FSCN3: variants seen among roughly 807,000 people sequenced by gnomAD.
FSCN3 encodes fascin-3.
FSCN3 carries 43 observed loss-of-function variants against 53.5 expected under a neutral mutation model. The observed-to-expected ratio is 0.80, with a 90% CI of 0.63 to 1.04. The LOEUF (loss-of-function observed/expected upper bound fraction) is 1.04, where lower values mean the gene tolerates loss of function less well. FSCN3 is among the 50% of genes least tolerant of loss of function. FSCN3 has a pLI of 0.00. For missense variants in FSCN3, 594 were observed against 646.5 expected (o/e 0.92, Z 0.88); for synonymous variants, 235 against 246.6 (o/e 0.95, Z 0.44).
At position 127,593,842 on chromosome 7, in the gene FSCN3, G is replaced by A. The variant is rs1794332262; in HGVS notation, c.-12G>A. 1.3e-6 allele frequency: 2 copies of A among 1,559,262 alleles called. No homozygotes were observed. The highest frequency in any genetic ancestry group is 1.9e-5 in the Admixed American group (1 of 51,700). On this transcript the variant is annotated 5_prime_UTR_variant, in exon 1 of 7. Transcript: ENST00000265825. ...TGGGCCAGACGGAGACATCACCTGT[G>A]GTGTCAGCCCCATGGATGAGACAGA...
At chr7:127,594,774 A>G (rs1202761543) in intron 1 of FSCN3, 1 of 471,370 alleles carries the variant, frequency 2.1e-6, no homozygotes, top group East Asian at 7.0e-5. Flanking sequence ...TTCCTCTTAT[A>G]ACAAGGTTGA....
At chr7:127,599,316 C>T (rs1794435923) in intron 4 of FSCN3, 65 bp from the exon 5 acceptor site, 13 of 1,294,562 alleles carry the variant, frequency 1.0e-5, no homozygotes, top group Non-Finnish European at 1.4e-5. Flanking sequence ...GTCCCCCCTC[C>T]TGCTTCCACT....
Position 127,598,459 on chromosome 7 carries a change from G to T in FSCN3, c.985G>T (p.Asp329Tyr). The change falls in exon 4 of 7, where the codon GAT becomes TAT. Residue 329 changes from aspartate (D) to tyrosine (Y), a missense_variant. Physicochemically the swap from Asp to Tyr is radical, Grantham distance 160. Transcript: ENST00000265825. ...SQRRHRAVMA[D>Y]GHPLESDTFF... ...GAGGCGCCACAGGGCAGTAATGGCT[G>T]ATGGGCACCCCCTGGAGTCTGACAC... 6.2e-7 allele frequency: 1 copy of T among 1,614,106 alleles called. No individual in the cohort carries two copies. Among genetic ancestry groups the T allele is most frequent in the Non-Finnish European group, 8.5e-7 (1 of 1,179,974 alleles).
chr7:127,598,348 G>T, intron 3 of FSCN3, 87 bp from the exon 4 acceptor site: 1 of 1,257,948 alleles, frequency 7.9e-7, no homozygotes, highest in East Asian at 2.3e-5. Context: ...TGGGATGTGG[G>T]AAGAGGGTCT....
At chr7:127,599,575 C>G in intron 5 of FSCN3, 24 bp downstream of exon 5, 1 of 1,607,624 alleles carries the variant, frequency 6.2e-7, no homozygotes, top group Non-Finnish European at 8.5e-7. Context: ...CTTCCCTGCC[C>G]AAGGGTTCAC....
chr7:127,595,109 G>C (rs1452263996), intron 1 of FSCN3, 198 bp from the exon 2 acceptor site: 1 of 606,480 alleles, frequency 1.6e-6, no homozygotes, highest in Non-Finnish European at 2.9e-6. Context: ...GGGTGGAAGG[G>C]CCCAGAGATC....
intron 5 of FSCN3, among the ~76,000 whole-genome samples, chr7:127,599,988 A>G (rs1190888607): frequency 2.0e-5 from 3 of 151,456 alleles, no homozygotes; most frequent in Non-Finnish European, 4.4e-5. Flanking sequence ...TTGTTTTCAC[A>G]CTTCAAAGCC....
intron 4 of FSCN3, 134 bp downstream of exon 4, chr7:127,598,728 G>A: frequency 1.4e-6 from 1 of 714,690 alleles, no homozygotes; most frequent in Non-Finnish European, 2.3e-6. Context: ...CACTTTGGGA[G>A]GCTGAGGTGG....
At chr7:127,596,115 G>T in intron 2 of FSCN3, 112 bp downstream of exon 2, 2 of 1,482,954 alleles carry the variant, frequency 1.3e-6, no homozygotes, top group Middle Eastern at 2.2e-4. Flanking sequence ...GAAGATCCTG[G>T]GGACCCAAGG....
At chr7:127,594,981 T>C (rs995940660) in intron 1 of FSCN3, 2 of 477,248 alleles carry the variant, frequency 4.2e-6, no homozygotes, top group African/African-American at 4.0e-5. Context: ...ACCAAAGCGT[T>C]TCTTTAAAAA....
At chr7:127,599,307 TC>T in intron 4 of FSCN3, 73 bp from the exon 5 acceptor site, 2 of 1,114,258 alleles carry the variant, frequency 1.8e-6, no homozygotes, top group Non-Finnish European at 2.7e-6. Flanking sequence ...GCAATTAGCG[TC>T]CCCCCTCCTG....
intron 6 of FSCN3, 22 bp downstream of exon 6, chr7:127,600,421 G>A: frequency 1.4e-6 from 2 of 1,427,682 alleles, no homozygotes; most frequent in Non-Finnish European, 9.9e-7. Context: ...GAACAGGTAA[G>A]GGGCTAGGGG....
chr7:127,598,324 A>G, intron 3 of FSCN3, 111 bp from the exon 4 acceptor site: 4 of 1,034,102 alleles, frequency 3.9e-6, no homozygotes, highest in Non-Finnish European at 5.9e-6. Context: ...GGGAGCATGA[A>G]AAAGGCTGAT....
chr7:127,594,332 C>T (rs1234834469), intron 1 of FSCN3, among the ~76,000 whole-genome samples: 3 of 151,742 alleles, frequency 2.0e-5, no homozygotes, highest in African/African-American at 7.3e-5. Context: ...AATCACTTTC[C>T]TAGGTTCTGC....
chr7:127,599,632 C>T (rs1794442713), intron 5 of FSCN3, 81 bp downstream of exon 5: 2 of 1,337,610 alleles, frequency 1.5e-6, no homozygotes, highest in Admixed American at 1.9e-5. Flanking sequence ...GGGCCTGCCA[C>T]TCAGGGCTTG....
In FSCN3 at chr7:127,595,300, C is replaced by G; in HGVS notation, c.145-7C>G. 6.3e-7 allele frequency: 1 copy of G among 1,599,722 alleles called. No homozygotes were observed. The highest frequency in any genetic ancestry group is 8.5e-7 in the Non-Finnish European group (1 of 1,171,276). On this transcript the variant is annotated splice_polypyrimidine_tract_variant and splice_region_variant and intron_variant, in intron 1 of 6. Transcript: ENST00000265825. The stretch of plus-strand genomic sequence containing the variant: ...GATTTCCCTCTTCTCCCTCCTGATG[C>G]CTCCAGACCTGGGAGATCTTGGTGA...
Position 127,596,414 on chromosome 7 carries a change from C to T in FSCN3, c.928C>T (p.Leu310Phe). Residue 310 changes from leucine (L) to phenylalanine (F), a missense_variant, in exon 3 of 7, where the codon CTT (leucine) becomes TTT (phenylalanine). Leu to Phe is a conservative substitution (Grantham distance 22). Coordinates refer to ENST00000265825, the MANE Select transcript of FSCN3 (RefSeq NM_020369.3). ...ECDSESPTVQ[L>F]RSANGYYLSQ... is the part of the protein sequence containing the mutation. ...TGACAGTGAGAGCCCCACTGTGCAGCTTCGTTCAGCCAATGGCTACTACCT... is the reference window on the plus strand; with the variant it reads ...TGACAGTGAGAGCCCCACTGTGCAGTTTCGTTCAGCCAATGGCTACTACCT... The T allele has an allele frequency of 6.2e-7, 1 of 1,600,974 alleles. No individual in the cohort carries two copies. Among genetic ancestry groups the T allele is most frequent in the Non-Finnish European group, 8.6e-7 (1 of 1,167,974 alleles).
chr7:127,600,239 GC>G lies in FSCN3; in HGVS notation c.1340del (p.Pro447LeufsTer95), dbSNP rs1794453508. On this transcript the variant is annotated frameshift_variant, in exon 6 of 7. Coordinates refer to ENST00000265825, the MANE Select transcript of FSCN3 (RefSeq NM_020369.3). LOFTEE classifies it high-confidence loss of function. ...FWSITSFGTF[R>X]PWGKFALNFC... ...TCAATAACATCCTTTGGCACCTTTC[GC>G]CCTTGGGGCAAGTTTGCCCTCAACT... 1 of 1,611,090 alleles carries G rather than the reference GC, an allele frequency of 6.2e-7. No homozygotes were observed. The highest frequency in any genetic ancestry group is 2.2e-5 in the East Asian group (1 of 44,860).
rs1481494026 is a variant in FSCN3, at chr7:127,594,102, GTGTA to G, written c.144+110_144+113del. On this transcript the variant is annotated intron_variant, in intron 1 of 6. Transcript: ENST00000265825. ...TGCGTGAGTGTATGTGTGTGTGTGT[GTGTA>G]TGTACTTGCCTGTATATGAAAGTAT... 21 of 1,363,212 alleles carry G rather than the reference GTGTA, an allele frequency of 1.5e-5. No homozygotes were observed. In the East Asian group the frequency reaches 4.0e-4, roughly 26 times the overall value. The allele number at this position is 1,363,212 out of a possible 1,614,324, so 84.4% of individuals were successfully genotyped here. A position where few individuals can be genotyped will look rare whatever the true frequency, so the allele number is the denominator to read the frequency against.
Sources: allele counts gnomAD v4.1 joint callset (sites outside exome capture counted in the v4.1 genomes callset), GRCh38; gene constraint gnomAD v4.1.1; transcripts MANE v1.5; gene names NCBI Gene and HGNC (gene_info 2026-07-23, HGNC 2026-07-21).